Variants in ASPH observed in about 807,000 individuals in gnomAD.
ASPH encodes aspartyl/asparaginyl beta-hydroxylase.
Under a neutral mutation model 118.4 loss-of-function variants are expected in ASPH, and 100 were observed. That is an observed-to-expected ratio of 0.84 (90% CI 0.72 to 1.00). The LOEUF is 1.00. Among genes scored for constraint, ASPH ranks in the 50% least tolerant of loss-of-function variants. The pLI, the probability that ASPH is intolerant of heterozygous loss-of-function variation, is 0.00. For synonymous variants in ASPH, 315 were observed against 325.6 expected (o/e 0.97, Z 0.35); for missense variants, 920 against 919.5 (o/e 1.00, Z -0.01).
chr8:61,673,056 TTCTA>T (rs1823404286), intron 3 of ASPH, among the ~76,000 whole-genome samples: 1 of 152,190 alleles, frequency 6.6e-6, no homozygotes, highest in African/African-American at 2.4e-5. Flanking sequence ...AGACAATCTG[TTCTA>T]TCTAACTAAA....
At chr8:61,675,869 A>G (rs991106222) in intron 3 of ASPH, 2 of 1,378,014 alleles carry the variant, frequency 1.5e-6, no homozygotes, top group African/African-American at 2.9e-5. Context: ...AATGAGGAGT[A>G]CCATTTTCTT....
intron 1 of ASPH, among the ~76,000 whole-genome samples, chr8:61,699,334 A>AT (rs902255772): frequency 4.6e-5 from 7 of 152,244 alleles, no homozygotes; most frequent in Non-Finnish European, 7.3e-5. Context: ...TCTGTAGAAT[A>AT]GTGAATCTCA....
chr8:61,555,407 C>T (rs927495401), intron 19 of ASPH, among the ~76,000 whole-genome samples: 4 of 152,096 alleles, frequency 2.6e-5, no homozygotes, highest in Non-Finnish European at 5.9e-5. Context: ...GATTCTCATG[C>T]TTCAGCCTCC....
At chr8:61,668,804 T>C (rs954913213) in intron 3 of ASPH, among the ~76,000 whole-genome samples, 3 of 152,238 alleles carry the variant, frequency 2.0e-5, no homozygotes, top group Admixed American at 6.5e-5. Flanking sequence ...ATTATGTACA[T>C]ACATTTTACA....
chr8:61,546,620 G>A (rs78695087), intron 21 of ASPH, among the ~76,000 whole-genome samples: 4,990 of 152,202 alleles, frequency 0.033, 197 homozygotes, highest in African/African-American at 0.095. Flanking sequence ...ATATTCAAAG[G>A]CTAACCAATG....
chr8:61,682,754 ATTTG>A (rs1828749900), intron 2 of ASPH, among the ~76,000 whole-genome samples: 1 of 152,154 alleles, frequency 6.6e-6, no homozygotes, highest in Admixed American at 6.6e-5. Context: ...ACAGCCAAAA[ATTTG>A]TTTGCCCTTT....
rs1258682799 is a variant in ASPH, at chr8:61,614,322, CAT to C, written c.976+4654_976+4655del. On this transcript the variant is annotated intron_variant, in intron 14 of 24. Transcript: ENST00000379454. ...TAACACCCACCCACCCACGTGCACA[CAT>C]AGATACACACAAGAAAAAACACATT... Among the ~76,000 whole-genome samples the C allele has an allele frequency of 4.6e-5, 7 of 152,166 alleles. No individual in the cohort carries two copies. In the South Asian group the frequency reaches 6.2e-4, roughly 14 times the overall value.
At chr8:61,583,908 A>G in intron 15 of ASPH, 36 bp downstream of exon 15, 2 of 1,388,944 alleles carry the variant, frequency 1.4e-6, no homozygotes, top group Non-Finnish European at 2.0e-6. Context: ...GAGTTTATTT[A>G]ACAACAAAAC....
intron 1 of ASPH, among the ~76,000 whole-genome samples, chr8:61,691,135 C>A (rs1174109674): frequency 6.6e-6 from 1 of 152,144 alleles, no homozygotes; most frequent in African/African-American, 2.4e-5. Flanking sequence ...GTTTTAGGGG[C>A]AGTTTTTATC....
At chr8:61,608,141 T>C (rs908998523) in intron 14 of ASPH, among the ~76,000 whole-genome samples, 9 of 152,356 alleles carry the variant, frequency 5.9e-5, no homozygotes, top group African/African-American at 2.2e-4. Flanking sequence ...CAGAAAAAGC[T>C]AGACCTTTGA....
Position 61,562,778 on chromosome 8 carries a change from C to T in ASPH, c.1403G>A (p.Gly468Glu). Residue 468 changes from glycine (G) to glutamate (E), a missense_variant, in exon 18 of 25, where the codon GGA (glycine) becomes GAA (glutamate). Physicochemically the swap from Gly to Glu is moderately conservative, Grantham distance 98. Coordinates refer to ENST00000379454, the MANE Select transcript of ASPH (RefSeq NM_004318.4). ...AACTTTCTTTGCATTGTCATTATCTCCTATCAAGAGGTATCCCACGCCAAG... is the reference window on the plus strand; with the variant it reads ...AACTTTCTTTGCATTGTCATTATCTTCTATCAAGAGGTATCCCACGCCAAG... ...NDLGVGYLLI[G>E]DNDNAKKVYE... 6.2e-7 allele frequency: 1 copy of T among 1,610,518 alleles called. No homozygotes were observed. The highest frequency in any genetic ancestry group is 8.5e-7 in the Non-Finnish European group (1 of 1,178,748).
rs74506223 is a variant in ASPH at position 61,648,782 on chromosome 8, T to G, written c.491-1904A>C. Among the ~76,000 whole-genome samples the G allele has an allele frequency of 3.9e-5, 6 of 152,278 alleles. No individual in the cohort carries two copies. In the East Asian group the frequency reaches 7.7e-4, roughly 20 times the overall value. ...GGTACTGGTATCCTACTTTGAAAGA[T>G]GAAGAACTTGAAAAACTGTGCTAAA... On this transcript the variant is annotated intron_variant, in intron 5 of 24. Transcript: ENST00000379454.
At chr8:61,618,065 T>C (rs148685941) in intron 14 of ASPH, among the ~76,000 whole-genome samples, 3 of 152,126 alleles carry the variant, frequency 2.0e-5, no homozygotes, top group Non-Finnish European at 2.9e-5. Context: ...TTTTAAACTA[T>C]ATCCTTGTAC....
rs565464347 is a variant in ASPH, at chr8:61,559,040, A to AT, written c.1438-3019dup. On this transcript the variant is annotated intron_variant, in intron 18 of 24. Coordinates refer to ENST00000379454, the MANE Select transcript of ASPH (RefSeq NM_004318.4). Reference sequence around the variant, plus strand: ...ATGGCTTTTACAGTTTCTTTTTCTAATTTTTTAATTTTTGTAGGTACATAG... The same window carrying AT: ...ATGGCTTTTACAGTTTCTTTTTCTAATTTTTTTAATTTTTGTAGGTACATAG... Among the ~76,000 whole-genome samples, 315 of 151,988 alleles carry AT rather than the reference A, an allele frequency of 2.1e-3. 2 individuals carry two copies. Among genetic ancestry groups the AT allele is most frequent in the African/African-American group, 7.2e-3 (300 of 41,472 alleles).
At chr8:61,508,405 T>C (rs1019861061) in intron 24 of ASPH, among the ~76,000 whole-genome samples, 3 of 152,192 alleles carry the variant, frequency 2.0e-5, no homozygotes, top group African/African-American at 4.8e-5. Flanking sequence ...GATAAAACAG[T>C]ATTCCATAAT....
intron 13 of ASPH, 46 bp from the exon 14 acceptor site, chr8:61,619,065 T>C: frequency 7.3e-7 from 1 of 1,361,200 alleles, no homozygotes; most frequent in Non-Finnish European, 1.0e-6. Flanking sequence ...CAAGTCACCA[T>C]TCAGTATCTC....
intron 3 of ASPH, chr8:61,676,365 T>C: frequency 2.0e-6 from 3 of 1,510,244 alleles, no homozygotes; most frequent in South Asian, 1.3e-5. Flanking sequence ...GGAGAGCAGT[T>C]AGGTGGAAAA....
At chr8:61,649,393 T>A (rs529875293) in intron 5 of ASPH, among the ~76,000 whole-genome samples, 1 of 152,122 alleles carries the variant, frequency 6.6e-6, no homozygotes, top group Non-Finnish European at 1.5e-5. Flanking sequence ...GGAAGAATCA[T>A]GAGTTCTTTA....
intron 18 of ASPH, among the ~76,000 whole-genome samples, chr8:61,557,340 C>T (rs933282491): frequency 6.6e-6 from 1 of 152,140 alleles, no homozygotes; most frequent in African/African-American, 2.4e-5. Context: ...CCTGCCCCTC[C>T]CAGCCAAGCC....
Sources: gnomAD v4.1 joint callset for allele counts (sites outside exome capture counted in the v4.1 genomes callset) on GRCh38, gnomAD v4.1.1 for gene constraint, MANE v1.5 for transcripts, NCBI Gene and HGNC (gene_info 2026-07-23, HGNC 2026-07-21) for gene names.